MLANA: variants seen among roughly 807,000 people sequenced by gnomAD.
MLANA encodes the protein melanoma antigen recognized by T-cells 1.
Under a neutral mutation model 15.7 loss-of-function variants are expected in MLANA, and 21 were observed. That is an observed-to-expected ratio of 1.33 (90% CI 0.95 to 1.92). MLANA has a LOEUF of 1.92. MLANA is among the 40% of genes most tolerant of loss of function. The pLI, the probability that MLANA is intolerant of heterozygous loss-of-function variation, is 0.00. For synonymous variants in MLANA, 56 were observed against 51.5 expected (o/e 1.09, Z -0.37); for missense variants, 164 against 143.8 (o/e 1.14, Z -0.72).
rs746445757 is a variant in MLANA at position 5,894,935 on chromosome 9, C to T, written c.77+2384C>T. Among the ~76,000 whole-genome samples the T allele has an allele frequency of 6.6e-6, 1 of 152,164 alleles. No individual in the cohort carries two copies. Among genetic ancestry groups the T allele is most frequent in the South Asian group, 2.1e-4 (1 of 4,836 alleles). On this transcript the variant is annotated intron_variant, in intron 2 of 4. Transcript: ENST00000381477. The surrounding 1 kb of genome is among the most constrained non-coding windows in gnomAD (Gnocchi z 4.0). ...TTATGACCACTATCATGTGAAGGAA[C>T]CCCTTGACTGAAGGCACAAGCTTTC...
intron 3 of MLANA, among the ~76,000 whole-genome samples, chr9:5,904,866 T>C (rs1586957065): frequency 6.6e-6 from 1 of 151,814 alleles, no homozygotes; most frequent in African/African-American, 2.4e-5. Flanking sequence ...CTCTGCCTCC[T>C]GGGTTCATGC....
At chr9:5,895,961 A>C (rs1264036397) in intron 2 of MLANA, among the ~76,000 whole-genome samples, 2 of 152,196 alleles carry the variant, frequency 1.3e-5, no homozygotes, top group Non-Finnish European at 2.9e-5. Flanking sequence ...ATGAGAGCAC[A>C]GGCATGTTGG....
chr9:5,893,139 T>C (rs375997936), intron 2 of MLANA, among the ~76,000 whole-genome samples: 17 of 152,244 alleles, frequency 1.1e-4, no homozygotes, highest in African/African-American at 3.9e-4. Context: ...CGTGAGACAC[T>C]GTTTTTATCT....
intron 4 of MLANA, 83 bp downstream of exon 4, chr9:5,907,081 C>A: frequency 1.0e-6 from 1 of 973,432 alleles, no homozygotes; most frequent in Non-Finnish European, 1.5e-6. Context: ...ATTTAAAAAG[C>A]AAGGACAATG....
chr9:5,892,699 T>C, intron 2 of MLANA, 148 bp downstream of exon 2: 1 of 634,350 alleles, frequency 1.6e-6, no homozygotes, highest in Non-Finnish European at 2.6e-6. Flanking sequence ...GGGAGGAGAT[T>C]CTGTGCTTCT....
intron 3 of MLANA, 76 bp downstream of exon 3, chr9:5,897,729 A>G (rs1244154330): frequency 5.6e-6 from 7 of 1,249,768 alleles, no homozygotes; most frequent in Non-Finnish European, 8.2e-6. Flanking sequence ...GAATCTCTGG[A>G]GAGTCAGATA....
chr9:5,896,819 T>C (rs189821993), intron 2 of MLANA, among the ~76,000 whole-genome samples: 2 of 152,258 alleles, frequency 1.3e-5, no homozygotes, highest in African/African-American at 2.4e-5. Context: ...GACCCCCAGA[T>C]TGGCACCCTG....
At chr9:5,905,515 T>A (rs1437625093) in intron 3 of MLANA, among the ~76,000 whole-genome samples, 1 of 152,228 alleles carries the variant, frequency 6.6e-6, no homozygotes, top group African/African-American at 2.4e-5. Flanking sequence ...AATTTTTTTT[T>A]AATTAACCCC....
chr9:5,902,275 T>C (rs2129958559), intron 3 of MLANA, among the ~76,000 whole-genome samples: 1 of 152,320 alleles, frequency 6.6e-6, no homozygotes, highest in African/African-American at 2.4e-5. Flanking sequence ...ACCTAGGTTT[T>C]CAAATTTGTG....
Position 5,908,712 on chromosome 9 carries a change from C to A in MLANA, c.*4C>A, listed in dbSNP as rs1322464550. ...ACCACCACCTTATTCACCTTAAGAGCCAGCGAGACACCTGAGACATGCTGA... is the reference window on the plus strand; with the variant it reads ...ACCACCACCTTATTCACCTTAAGAGACAGCGAGACACCTGAGACATGCTGA... On this transcript the variant is annotated 3_prime_UTR_variant, in exon 5 of 5. Coordinates refer to ENST00000381477, the MANE Select transcript of MLANA (RefSeq NM_005511.2). 3 of 1,612,212 alleles carry A rather than the reference C, an allele frequency of 1.9e-6. No individual in the cohort carries two copies. The highest frequency in any genetic ancestry group is 2.5e-6 in the Non-Finnish European group (3 of 1,178,490).
chr9:5,894,189 G>A lies in MLANA; in HGVS notation c.77+1638G>A, dbSNP rs1346311980. 1.3e-5 allele frequency among the ~76,000 whole-genome samples: 2 copies of A among 152,218 alleles called. No homozygotes were observed. Among genetic ancestry groups the A allele is most frequent in the Non-Finnish European group, 1.5e-5 (1 of 68,008 alleles). ...CTAGTCAGCTCAGTAGGCCGAAAGT[G>A]GAGTTGTCCTTTGCCATGTAGGGCC... is the stretch of plus-strand genomic sequence containing the variant. On this transcript the variant is annotated intron_variant, in intron 2 of 4. Coordinates refer to ENST00000381477, the MANE Select transcript of MLANA (RefSeq NM_005511.2). This position sits in a 1 kb window ranked among gnomAD's most constrained non-coding sequence, Gnocchi z 4.0.
chr9:5,891,939 G>A (rs933962368), intron 1 of MLANA, among the ~76,000 whole-genome samples: 1 of 152,162 alleles, frequency 6.6e-6, no homozygotes, highest in African/African-American at 2.4e-5. Flanking sequence ...ATGCACCCTC[G>A]CGAGGCACAG....
At chr9:5,903,841 T>C (rs996565212) in intron 3 of MLANA, among the ~76,000 whole-genome samples, 2 of 152,110 alleles carry the variant, frequency 1.3e-5, no homozygotes, top group Non-Finnish European at 1.5e-5. Flanking sequence ...GTTAGCATGG[T>C]ATATCTTTTT....
At chr9:5,903,713 G>C (rs774113219) in intron 3 of MLANA, among the ~76,000 whole-genome samples, 1 of 152,100 alleles carries the variant, frequency 6.6e-6, no homozygotes, top group Non-Finnish European at 1.5e-5. Context: ...GTGTTCTTAT[G>C]TCTTCTTGGA....
At chr9:5,897,133 G>C (rs547546441) in intron 2 of MLANA, among the ~76,000 whole-genome samples, 1 of 152,342 alleles carries the variant, frequency 6.6e-6, no homozygotes, top group Admixed American at 6.5e-5. Flanking sequence ...GTTTAGCACA[G>C]CACCTGGCTT....
At chr9:5,897,494 G>T (rs1459045367) in intron 2 of MLANA, 63 bp from the exon 3 acceptor site, 3 of 1,430,102 alleles carry the variant, frequency 2.1e-6, no homozygotes, top group Non-Finnish European at 3.0e-6. Context: ...ACTGATTTAT[G>T]CTTCATCATA....
intron 3 of MLANA, among the ~76,000 whole-genome samples, chr9:5,901,519 C>A (rs556260081): frequency 6.6e-6 from 1 of 152,006 alleles, no homozygotes; most frequent in South Asian, 2.1e-4. Context: ...TAATTCATTT[C>A]TCTTTTTCTT....
At chr9:5,896,508 G>T (rs959314425) in intron 2 of MLANA, among the ~76,000 whole-genome samples, 1 of 152,196 alleles carries the variant, frequency 6.6e-6, no homozygotes, top group African/African-American at 2.4e-5. Context: ...CCAGTAGATG[G>T]TACTGAGCAA....
intron 3 of MLANA, among the ~76,000 whole-genome samples, chr9:5,902,080 T>C (rs1369632733): frequency 2.0e-5 from 3 of 152,204 alleles, no homozygotes; most frequent in South Asian, 2.1e-4. Flanking sequence ...TTATAGAGAA[T>C]TGGTATAATA....
Sources: gnomAD v4.1 joint callset for allele counts (sites outside exome capture counted in the v4.1 genomes callset) on GRCh38, gnomAD v4.1.1 for gene constraint, Gnocchi (gnomAD v3.1) non-coding constraint, MANE v1.5 for transcripts, NCBI Gene and HGNC (gene_info 2026-07-23, HGNC 2026-07-21) for gene names.